Variants in SORCS2 observed in about 807,000 individuals in gnomAD.
SORCS2 encodes sortilin related VPS10 domain containing receptor 2.
In SORCS2, 100 loss-of-function variants were observed where a neutral mutation model predicts 141.6. The ratio of observed to expected loss-of-function variants is 0.71; its 90% CI spans 0.60 to 0.83. The LOEUF is 0.83. SORCS2 is among the 40% of genes least tolerant of loss of function. The pLI, the probability that SORCS2 is intolerant of heterozygous loss-of-function variation, is 0.00. For synonymous variants in SORCS2, 789 were observed against 676.9 expected, an observed-to-expected ratio of 1.17 and a Z score of -2.57; for missense variants, 1,646 against 1,560.2, an observed-to-expected ratio of 1.05 and a Z score of -0.93.
intron 1 of SORCS2, among the ~76,000 whole-genome samples, chr4:7,339,935 C>T (rs1490996084): frequency 6.6e-6 from 1 of 152,192 alleles, no homozygotes; most frequent in African/African-American, 2.4e-5. Context: ...ATCAGGGCTG[C>T]TTTCCATGAG....
At chr4:7,685,638 T>A (rs1478920856) in intron 10 of SORCS2, among the ~76,000 whole-genome samples, 3 of 152,084 alleles carry the variant, frequency 2.0e-5, no homozygotes, top group Admixed American at 6.5e-5. Context: ...GCCACTGCAC[T>A]CTAGCCTGGG....
intron 3 of SORCS2, among the ~76,000 whole-genome samples, chr4:7,584,195 G>A (rs1294274104): frequency 3.3e-5 from 5 of 152,320 alleles, no homozygotes; most frequent in Non-Finnish European, 5.9e-5. Flanking sequence ...ATTATTAGTA[G>A]TAGTAACAAA....
intron 3 of SORCS2, among the ~76,000 whole-genome samples, chr4:7,547,108 G>A (rs1017305830): frequency 1.3e-5 from 2 of 152,128 alleles, no homozygotes; most frequent in Non-Finnish European, 2.9e-5. Context: ...TTACAACTGG[G>A]CTTCTCCAGG....
chr4:7,255,714 T>G (rs1164927649), intron 1 of SORCS2, among the ~76,000 whole-genome samples: 1 of 152,166 alleles, frequency 6.6e-6, no homozygotes, highest in African/African-American at 2.4e-5. Flanking sequence ...TTCCAATCTT[T>G]CATCTAACTA....
rs1560361301 is a variant in SORCS2 at position 7,531,388 on chromosome 4, A to G, written c.549-142A>G. 22 of 677,004 alleles carry G rather than the reference A, an allele frequency of 3.2e-5. No individual in the cohort carries two copies. In the East Asian group the frequency reaches 5.7e-4, roughly 18 times the overall value. 41.9% of individuals were successfully genotyped at this position (677,004 alleles called of 1,614,324 possible). A position where few individuals can be genotyped will look rare whatever the true frequency, so the allele number is the denominator to read the frequency against. The stretch of plus-strand genomic sequence containing the variant: ...TGCCTTGTCGGCATACACTGCCCCC[A>G]GGCAGAGTGCCCAGGACTGTACTCA... On this transcript the variant is annotated intron_variant, in intron 2 of 26. Coordinates refer to ENST00000507866, the MANE Select transcript of SORCS2 (RefSeq NM_020777.3).
At chr4:7,632,417 C>T (rs1456805777) in intron 3 of SORCS2, among the ~76,000 whole-genome samples, 3 of 152,208 alleles carry the variant, frequency 2.0e-5, no homozygotes, top group Non-Finnish European at 4.4e-5. Flanking sequence ...ACTGCCAGCT[C>T]CGCCTGGCAC....
intron 2 of SORCS2, among the ~76,000 whole-genome samples, chr4:7,522,146 C>T (rs1733367240): frequency 1.3e-5 from 2 of 152,222 alleles, no homozygotes; most frequent in South Asian, 2.1e-4. Context: ...AAGGCCAGAG[C>T]TTGCAGGCGG....
At chr4:7,573,877 G>A (rs927461715) in intron 3 of SORCS2, among the ~76,000 whole-genome samples, 2 of 152,086 alleles carry the variant, frequency 1.3e-5, no homozygotes, top group Middle Eastern at 3.2e-3. Context: ...GCTGTCCTGC[G>A]CCCACTGCCT....
intron 1 of SORCS2, among the ~76,000 whole-genome samples, chr4:7,354,876 A>T (rs962360404): frequency 6.6e-6 from 1 of 152,178 alleles, no homozygotes; most frequent in Non-Finnish European, 1.5e-5. Context: ...CTTTTACATG[A>T]TAAGGAAGGT....
At chr4:7,328,893 A>G (rs1250423632) in intron 1 of SORCS2, among the ~76,000 whole-genome samples, 1 of 152,056 alleles carries the variant, frequency 6.6e-6, no homozygotes, top group Non-Finnish European at 1.5e-5. Context: ...ACTTGCCGGC[A>G]CCCTTGGCAG....
chr4:7,439,339 C>T (rs1327272272), intron 2 of SORCS2, among the ~76,000 whole-genome samples: 1 of 152,176 alleles, frequency 6.6e-6, no homozygotes, highest in African/African-American at 2.4e-5. Context: ...GATTTTTAAC[C>T]TATTTACCCC....
chr4:7,722,816 G>C (rs533206887), intron 18 of SORCS2, among the ~76,000 whole-genome samples: 13 of 152,338 alleles, frequency 8.5e-5, no homozygotes, highest in African/African-American at 3.1e-4. Context: ...TTACGTAAAA[G>C]TTTTCTATCA....
At chr4:7,567,343 G>T (rs1406027429) in intron 3 of SORCS2, among the ~76,000 whole-genome samples, 1 of 152,054 alleles carries the variant, frequency 6.6e-6, no homozygotes, top group African/African-American at 2.4e-5. Flanking sequence ...GTTACATGTA[G>T]TCATTATGTC....
At chr4:7,561,421 CATTCATCCATCTACCT>C (rs1449704141) in intron 3 of SORCS2, among the ~76,000 whole-genome samples, 6 of 152,062 alleles carry the variant, frequency 3.9e-5, no homozygotes, top group Admixed American at 3.3e-4. Flanking sequence ...TCCATGTATC[CATTCATCCATCTACCT>C]ATTCATCCAC....
chr4:7,345,140 C>G (rs1253973593), intron 1 of SORCS2, among the ~76,000 whole-genome samples: 1 of 152,124 alleles, frequency 6.6e-6, no homozygotes, highest in African/African-American at 2.4e-5. Context: ...ATGCTGGGCC[C>G]CAATTTTCAA....
At chr4:7,507,560 C>T (rs1732345244) in intron 2 of SORCS2, among the ~76,000 whole-genome samples, 1 of 152,194 alleles carries the variant, frequency 6.6e-6, no homozygotes, top group African/African-American at 2.4e-5. Context: ...AGAAAGAGAA[C>T]TTGTCTTAGA....
intron 1 of SORCS2, among the ~76,000 whole-genome samples, chr4:7,302,767 A>ATGTTTGTGTGTG (rs753375857): frequency 9.8e-6 from 1 of 101,606 alleles, no homozygotes; most frequent in Non-Finnish European, 2.4e-5. Flanking sequence ...GACAGTCCAC[A>ATGTTTGTGTGTG]TATGTGTGTG....
intron 10 of SORCS2, among the ~76,000 whole-genome samples, chr4:7,684,633 T>C (rs187186345): frequency 6.6e-6 from 1 of 152,208 alleles, no homozygotes; most frequent in Admixed American, 6.5e-5. Flanking sequence ...ATGTGTAAAA[T>C]AGAAAGAACA....
At chr4:7,729,760 G>A in intron 23 of SORCS2, 48 bp downstream of exon 23, 1 of 1,580,524 alleles carries the variant, frequency 6.3e-7, no homozygotes, top group Non-Finnish European at 8.6e-7. Context: ...GCACATCCCA[G>A]GGCTCGGGTC....
Sources: gnomAD v4.1 joint callset for allele counts (sites outside exome capture counted in the v4.1 genomes callset) on GRCh38, gnomAD v4.1.1 for gene constraint, MANE v1.5 for transcripts, NCBI Gene and HGNC (gene_info 2026-07-23, HGNC 2026-07-21) for gene names.